CSMD1: variants seen among roughly 807,000 people sequenced by gnomAD.
CSMD1 encodes the protein CUB and Sushi multiple domains 1.
In CSMD1, 213 loss-of-function variants were observed where a neutral mutation model predicts 417.5. That is an observed-to-expected ratio of 0.51 (90% confidence interval 0.46 to 0.57). The LOEUF (loss-of-function observed/expected upper bound fraction) is 0.57. Among genes scored for constraint, CSMD1 ranks in the 20% least tolerant of loss-of-function variants. CSMD1 has a pLI of 0.00. For missense variants in CSMD1, 6,923 were observed against 4,529.7 expected, an observed-to-expected ratio of 1.53 and a Z score of -15.17; for synonymous variants, 2,862 against 1,736.8, an observed-to-expected ratio of 1.65 and a Z score of -16.11.
At chr8:3,443,745 A>C (rs1585173107) in intron 12 of CSMD1, among the ~76,000 whole-genome samples, 1 of 152,366 alleles carries the variant, frequency 6.6e-6, no homozygotes, top group Admixed American at 6.5e-5. Context: ...AGCAATGGAC[A>C]GCTTTAAAGG....
At chr8:4,421,513 A>T (rs139724298) in intron 2 of CSMD1, among the ~76,000 whole-genome samples, 6 of 152,286 alleles carry the variant, frequency 3.9e-5, no homozygotes, top group Middle Eastern at 3.4e-3. Flanking sequence ...GAATCAAATT[A>T]GAAATCAGTA....
intron 1 of CSMD1, among the ~76,000 whole-genome samples, chr8:4,891,153 T>A (rs542025444): frequency 1.3e-5 from 2 of 152,256 alleles, no homozygotes; most frequent in East Asian, 1.9e-4. Flanking sequence ...ACTCTGTGTT[T>A]TGAGTCAATG....
At chr8:4,901,547 A>G (rs1205457344) in intron 1 of CSMD1, among the ~76,000 whole-genome samples, 1 of 151,676 alleles carries the variant, frequency 6.6e-6, no homozygotes, top group African/African-American at 2.4e-5. Context: ...TGATCTCCCC[A>G]CCAAAAAAGT....
At chr8:4,855,505 G>A (rs959627176) in intron 1 of CSMD1, among the ~76,000 whole-genome samples, 3 of 151,988 alleles carry the variant, frequency 2.0e-5, no homozygotes, top group African/African-American at 7.2e-5. Context: ...CAAAGAAGTT[G>A]AAAACTTTGA....
intron 5 of CSMD1, among the ~76,000 whole-genome samples, chr8:3,864,641 C>T (rs920842683): frequency 6.6e-6 from 1 of 152,060 alleles, no homozygotes; most frequent in Admixed American, 6.5e-5. Flanking sequence ...ACAACAGGCC[C>T]CGGTGTGTGA....
intron 1 of CSMD1, among the ~76,000 whole-genome samples, chr8:4,746,326 G>A (rs1049922704): frequency 1.2e-4 from 18 of 152,218 alleles, no homozygotes; most frequent in South Asian, 6.2e-4. Flanking sequence ...AATAGCGACT[G>A]TAGGCACTTT....
rs1796681705 is a variant in CSMD1, at chr8:4,153,620, T to C, written c.416-121521A>G. Among the ~76,000 whole-genome samples the C allele has an allele frequency of 2.6e-5, 4 of 152,200 alleles. No homozygotes were observed. The South Asian group carries it at 8.3e-4, about 32-fold the overall frequency. ...CCTGAGATGTCCCTGCTCTGTTTCC[T>C]CTCTTCACCTTGCAAGGCAGCTGAC... On this transcript the variant is annotated intron_variant, in intron 3 of 69. Coordinates refer to ENST00000635120, the MANE Select transcript of CSMD1 (RefSeq NM_033225.6).
At chr8:4,875,691 A>C (rs548705734) in intron 1 of CSMD1, among the ~76,000 whole-genome samples, 103 of 152,304 alleles carry the variant, frequency 6.8e-4, no homozygotes, top group Non-Finnish European at 1.2e-3. Flanking sequence ...TATAAACCTA[A>C]GTAGAGCTGA....
At chr8:3,512,228 T>G (rs2117401794) in intron 10 of CSMD1, among the ~76,000 whole-genome samples, 1 of 152,322 alleles carries the variant, frequency 6.6e-6, no homozygotes. Flanking sequence ...TCCTCGCGGG[T>G]CCACGTGCAG....
Position 3,380,984 on chromosome 8 carries a change from C to A in CSMD1, c.2782+6510G>T, listed in dbSNP as rs555579965. Among the ~76,000 whole-genome samples, 6 of 152,086 alleles carry A rather than the reference C, an allele frequency of 3.9e-5. No homozygotes were observed. The South Asian group carries it at 1.2e-3, about 32-fold the overall frequency. On this transcript the variant is annotated intron_variant, in intron 18 of 69. Coordinates refer to ENST00000635120, the MANE Select transcript of CSMD1 (RefSeq NM_033225.6). ...AATTTGGGGATGGTACTTGAATGCA[C>A]AGGTATGTGAGAAGGTTGTTTTGAG...
chr8:3,975,814 A>G (rs1813397678), intron 5 of CSMD1, among the ~76,000 whole-genome samples: 1 of 152,236 alleles, frequency 6.6e-6, no homozygotes, highest in African/African-American at 2.4e-5. Context: ...GTTTATTTTT[A>G]TTCAAATACA....
chr8:3,967,637 C>G (rs1424648165), intron 5 of CSMD1, among the ~76,000 whole-genome samples: 1 of 152,090 alleles, frequency 6.6e-6, no homozygotes, highest in South Asian at 2.1e-4. Context: ...ACTCACATTT[C>G]CCCTCCATTC....
chr8:4,371,604 T>C (rs1563104156), intron 3 of CSMD1, among the ~76,000 whole-genome samples: 1 of 152,210 alleles, frequency 6.6e-6, no homozygotes. Context: ...TTTCTCTGCT[T>C]CATAAAAATT....
At chr8:4,187,430 T>A (rs10441632) in intron 3 of CSMD1, among the ~76,000 whole-genome samples, 9 of 151,948 alleles carry the variant, frequency 5.9e-5, no homozygotes, top group East Asian at 1.9e-4. Flanking sequence ...GCAGATCACC[T>A]GAGGTCAGGA....
At chr8:3,359,625 T>C (rs1454014412) in intron 20 of CSMD1, among the ~76,000 whole-genome samples, 2 of 151,898 alleles carry the variant, frequency 1.3e-5, no homozygotes, top group South Asian at 2.1e-4. Flanking sequence ...GATAAAGTGA[T>C]GTTGGTCAAT....
intron 7 of CSMD1, among the ~76,000 whole-genome samples, chr8:3,645,301 G>A (rs986778397): frequency 6.6e-6 from 1 of 152,176 alleles, no homozygotes; most frequent in African/African-American, 2.4e-5. Context: ...GAACACAAAT[G>A]TGTTCTCCCA....
In CSMD1 at chr8:4,198,340, C is replaced by A. The variant is rs555662194; in HGVS notation, c.416-166241G>T. On this transcript the variant is annotated intron_variant, in intron 3 of 69. Transcript: ENST00000635120. Reference sequence around the variant, plus strand: ...CCCGACAAGAGTACGTCATGGTGGACCTGTGTGCTAAGCCAGGAGCCTGAA... The same window carrying A: ...CCCGACAAGAGTACGTCATGGTGGAACTGTGTGCTAAGCCAGGAGCCTGAA... Among the ~76,000 whole-genome samples, 4 of 152,310 alleles carry A rather than the reference C, an allele frequency of 2.6e-5. No homozygotes were observed. The South Asian group carries it at 6.2e-4, about 24-fold the overall frequency.
rs115867507 is a variant in CSMD1, at chr8:3,421,144, A to C, written c.1562-11539T>G. 1.8e-3 allele frequency among the ~76,000 whole-genome samples: 279 copies of C among 152,340 alleles called. 3 individuals are homozygous for C. The highest frequency in any genetic ancestry group is 6.3e-3 in the African/African-American group (260 of 41,578). On this transcript the variant is annotated intron_variant, in intron 12 of 69. Coordinates refer to ENST00000635120, the MANE Select transcript of CSMD1 (RefSeq NM_033225.6). ...ATGAAAATTACATCTTTAACATTCTATTAAATTGATGGGCAATTTCTTTTC... is the reference window on the plus strand; with the variant it reads ...ATGAAAATTACATCTTTAACATTCTCTTAAATTGATGGGCAATTTCTTTTC...
At chr8:2,953,453 C>CAAA (rs35592012) in intron 65 of CSMD1, among the ~76,000 whole-genome samples, 4 of 111,716 alleles carry the variant, frequency 3.6e-5, no homozygotes, top group Non-Finnish European at 5.3e-5. Context: ...AGCTTATGTC[C>CAAA]AAAAAAAAAA....
Sources: allele counts gnomAD v4.1 joint callset (sites outside exome capture counted in the v4.1 genomes callset), GRCh38; gene constraint gnomAD v4.1.1; transcripts MANE v1.5; gene names NCBI Gene and HGNC (gene_info 2026-07-23, HGNC 2026-07-21).